The following UBE2D1 variants were observed in gnomAD, a reference collection of about 807,000 sequenced individuals.
The protein encoded by UBE2D1 is ubiquitin conjugating enzyme E2 D1.
UBE2D1 carries 9 observed loss-of-function variants against 24.6 expected under a neutral mutation model. The ratio of observed to expected loss-of-function variants is 0.37; its 90% CI spans 0.22 to 0.64. The LOEUF (loss-of-function observed/expected upper bound fraction) is 0.64, where lower values mean the gene tolerates loss of function less well. Ranked by LOEUF, UBE2D1 falls within the 30% of genes least tolerant of loss-of-function variation. UBE2D1 has a pLI of 0.64. For synonymous variants in UBE2D1, 57 were observed against 57.6 expected (o/e 0.99, Z 0.04); for missense variants, 87 against 177.1 (o/e 0.49, Z 2.89).
At chr10:58,363,514 A>AT (rs1336057239) in intron 3 of UBE2D1, 95 bp from the exon 4 acceptor site, 7 of 835,800 alleles carry the variant, frequency 8.4e-6, no homozygotes, top group Admixed American at 3.2e-5. Context: ...ACATGATGGC[A>AT]TTTTTTTCAA....
At chr10:58,344,970 T>C (rs1427564526) in intron 1 of UBE2D1, among the ~76,000 whole-genome samples, 1 of 151,974 alleles carries the variant, frequency 6.6e-6, no homozygotes, top group African/African-American at 2.4e-5. Context: ...GTTTAGGGGA[T>C]TCTCATGTCT....
intron 6 of UBE2D1, 95 bp downstream of exon 6, chr10:58,368,111 T>A (rs1443792471): frequency 2.2e-5 from 19 of 860,738 alleles, no homozygotes; most frequent in Non-Finnish European, 3.3e-5. Context: ...TCAATTTGAT[T>A]ATGGTTGTTA....
intron 1 of UBE2D1, among the ~76,000 whole-genome samples, chr10:58,347,639 C>CTTTTTTTTTTT (rs774396274): frequency 5.2e-4 from 61 of 116,230 alleles, no homozygotes; most frequent in African/African-American, 1.9e-3. Context: ...AAATTACACT[C>CTTTTTTTTTTT]TTTTTTTTTT....
intron 1 of UBE2D1, among the ~76,000 whole-genome samples, chr10:58,355,595 A>G (rs1051444908): frequency 2.6e-5 from 4 of 152,206 alleles, no homozygotes; most frequent in African/African-American, 4.8e-5. Context: ...ATGTCCCATT[A>G]ACAGGCATGG....
intron 1 of UBE2D1, among the ~76,000 whole-genome samples, chr10:58,347,999 A>C (rs1039743421): frequency 2.0e-5 from 3 of 152,192 alleles, no homozygotes; most frequent in Non-Finnish European, 2.9e-5. Context: ...CTGATGTGGC[A>C]AAGTCACATA....
At chr10:58,358,934 C>G (rs1387352375) in intron 1 of UBE2D1, among the ~76,000 whole-genome samples, 1 of 144,174 alleles carries the variant, frequency 6.9e-6, no homozygotes, top group Non-Finnish European at 1.5e-5. Flanking sequence ...TCCGTTATTG[C>G]TTAACTGTAA....
At chr10:58,343,582 A>G (rs1041566703) in intron 1 of UBE2D1, among the ~76,000 whole-genome samples, 2 of 152,228 alleles carry the variant, frequency 1.3e-5, no homozygotes, top group Admixed American at 1.3e-4. Context: ...ATACACATAC[A>G]CAGAGACACA....
chr10:58,338,232 G>A (rs370108011), intron 1 of UBE2D1, among the ~76,000 whole-genome samples: 1 of 152,128 alleles, frequency 6.6e-6, no homozygotes, highest in Non-Finnish European at 1.5e-5. Flanking sequence ...GAATAAAGAT[G>A]ATTGGATTAA....
intron 5 of UBE2D1, among the ~76,000 whole-genome samples, chr10:58,366,599 A>G (rs1299352927): frequency 6.6e-6 from 1 of 152,060 alleles, no homozygotes; most frequent in Non-Finnish European, 1.5e-5. Context: ...TAATTTGTTT[A>G]TCTTAAAAGA....
At position 58,335,166 on chromosome 10, in the gene UBE2D1, C is replaced by G; in HGVS notation, c.-36C>G. On this transcript the variant is annotated 5_prime_UTR_variant, in exon 1 of 7. Transcript: ENST00000373910. Reference sequence around the variant, plus strand: ...ACGCCCCTGAGCCCCGCAGCCGACCCCTGCCGGCCGGTGTCCCCACCGCCA... The same window carrying G: ...ACGCCCCTGAGCCCCGCAGCCGACCGCTGCCGGCCGGTGTCCCCACCGCCA... 1 of 1,540,474 alleles carries G rather than the reference C, an allele frequency of 6.5e-7. No individual in the cohort carries two copies. Among genetic ancestry groups the G allele is most frequent in the Admixed American group, 1.9e-5 (1 of 51,320 alleles).
Position 58,364,804 on chromosome 10 carries a change from A to C in UBE2D1, c.232A>C (p.Ile78Leu), listed in dbSNP as rs774796479. ...AFTTKIYHPN[I>L]NSNGSICLDI... ...CACAACAAAAATTTACCATCCAAAC[A>C]TAAACAGTAATGGAAGTATTTGTCT... The change falls in exon 5 of 7, where the codon ATA becomes CTA. Residue 78 changes from isoleucine to leucine, a missense_variant. Physicochemically the swap from Ile to Leu is conservative, Grantham distance 5. Coordinates refer to ENST00000373910, the MANE Select transcript of UBE2D1 (RefSeq NM_003338.5). 1 of 1,613,654 alleles carries C rather than the reference A, an allele frequency of 6.2e-7. No individual in the cohort carries two copies. The highest frequency in any genetic ancestry group is 2.2e-5 in the East Asian group (1 of 44,848).
At chr10:58,347,655 T>TC (rs1472718338) in intron 1 of UBE2D1, among the ~76,000 whole-genome samples, 1 of 150,934 alleles carries the variant, frequency 6.6e-6, no homozygotes, top group Non-Finnish European at 1.5e-5. Flanking sequence ...TTTTTTTTTT[T>TC]TTTTGCCCCG....
chr10:58,337,402 A>G (rs977605456), intron 1 of UBE2D1, among the ~76,000 whole-genome samples: 1 of 152,128 alleles, frequency 6.6e-6, no homozygotes, highest in African/African-American at 2.4e-5. Context: ...TTAGAAGCCA[A>G]TTCTAGGTTA....
rs546854656 is a variant in UBE2D1 at position 58,362,358 on chromosome 10, A to G, written c.120+832A>G. ...TTTAACTTTAAAAAACACCAAAACT[A>G]CTGAATTTCAAAGCAGTACTCTGGG... On this transcript the variant is annotated intron_variant, in intron 3 of 6. Transcript: ENST00000373910. Among the ~76,000 whole-genome samples, 32 of 152,316 alleles carry G rather than the reference A, an allele frequency of 2.1e-4. No homozygotes were observed. In the South Asian group the frequency reaches 6.4e-3, roughly 31 times the overall value.
intron 3 of UBE2D1, among the ~76,000 whole-genome samples, chr10:58,362,794 T>C (rs1840214805): frequency 6.6e-6 from 1 of 152,100 alleles, no homozygotes; most frequent in African/African-American, 2.4e-5. Context: ...ATGTGGAAAC[T>C]TAACGAGAAA....
Position 58,335,185 on chromosome 10 carries a change from A to C in UBE2D1, c.-17A>C. 1 of 1,545,468 alleles carries C rather than the reference A, an allele frequency of 6.5e-7. No homozygotes were observed. The highest frequency in any genetic ancestry group is 8.7e-7 in the Non-Finnish European group (1 of 1,148,534). On this transcript the variant is annotated 5_prime_UTR_variant, in exon 1 of 7. Transcript: ENST00000373910. Reference sequence around the variant, plus strand: ...CCGACCCCTGCCGGCCGGTGTCCCCACCGCCATCCCTGACCCATGGCGCTG... The same window carrying C: ...CCGACCCCTGCCGGCCGGTGTCCCCCCCGCCATCCCTGACCCATGGCGCTG...
chr10:58,363,513 C>A, intron 3 of UBE2D1, 96 bp from the exon 4 acceptor site: 2 of 789,294 alleles, frequency 2.5e-6, no homozygotes, highest in Non-Finnish European at 3.9e-6. Flanking sequence ...AACATGATGG[C>A]ATTTTTTTCA....
intron 1 of UBE2D1, among the ~76,000 whole-genome samples, chr10:58,343,720 C>T (rs190850314): frequency 6.6e-6 from 1 of 152,224 alleles, no homozygotes; most frequent in Admixed American, 6.5e-5. Context: ...GATGTACAAC[C>T]ATAATATTCA....
At chr10:58,355,858 T>G (rs1423596710) in intron 1 of UBE2D1, among the ~76,000 whole-genome samples, 1 of 152,166 alleles carries the variant, frequency 6.6e-6, no homozygotes, top group Admixed American at 6.5e-5. Flanking sequence ...CTCACCAGTT[T>G]TTTTTCACTA....
Sources: allele counts gnomAD v4.1 joint callset (sites outside exome capture counted in the v4.1 genomes callset), GRCh38; gene constraint gnomAD v4.1.1; transcripts MANE v1.5; gene names NCBI Gene and HGNC (gene_info 2026-07-23, HGNC 2026-07-21).